The following RPS6KC1 variants were observed in gnomAD, a reference collection of about 807,000 sequenced individuals.
The protein encoded by RPS6KC1 is inactive ribosomal protein S6 kinase delta-1.
In RPS6KC1, 54 loss-of-function variants were observed where a neutral mutation model predicts 103.8. That is an observed-to-expected ratio of 0.52 (90% CI 0.42 to 0.65). The LOEUF (loss-of-function observed/expected upper bound fraction) is 0.65. RPS6KC1 is among the 30% of genes least tolerant of loss of function. RPS6KC1 has a pLI of 0.00. For synonymous variants in RPS6KC1, 439 were observed against 438.7 expected (o/e 1.00, Z -0.01); for missense variants, 1,151 against 1,253.8 (o/e 0.92, Z 1.24).
At chr1:213,320,936 T>G in the RPS6KC1 span, among the ~76,000 whole-genome samples, 1 of 152,188 alleles carries the variant, frequency 6.6e-6, no homozygotes, top group African/African-American at 2.4e-5. Context: ...TTACAGTCTT[T>G]GCTGCCCAGT....
At chr1:213,138,684 G>T (rs1001582579) in intron 6 of RPS6KC1, among the ~76,000 whole-genome samples, 22 of 152,244 alleles carry the variant, frequency 1.4e-4, no homozygotes, top group African/African-American at 5.1e-4. Flanking sequence ...CAAAGGCCAT[G>T]ATCTCATTTT....
At chr1:213,578,293 AG>A in the RPS6KC1 span, among the ~76,000 whole-genome samples, 98 of 152,344 alleles carry the variant, frequency 6.4e-4, no homozygotes, top group African/African-American at 2.2e-3. Context: ...GGTGTGCTGC[AG>A]GGGCAGAGTC....
chr1:213,348,236 A>G, the RPS6KC1 span, among the ~76,000 whole-genome samples: 1 of 152,210 alleles, frequency 6.6e-6, no homozygotes, highest in Admixed American at 6.5e-5. Context: ...AGCATCCCAG[A>G]TGATTGCAGT....
intron 8 of RPS6KC1, among the ~76,000 whole-genome samples, chr1:213,199,787 G>A (rs573764788): frequency 6.6e-6 from 1 of 152,322 alleles, no homozygotes; most frequent in Admixed American, 6.5e-5. Flanking sequence ...CTTCAGCAAA[G>A]TTGCAGGATA....
At chr1:213,399,363 C>T in the RPS6KC1 span, among the ~76,000 whole-genome samples, 7 of 152,296 alleles carry the variant, frequency 4.6e-5, no homozygotes, top group African/African-American at 1.4e-4. Flanking sequence ...ACTTGTAAGA[C>T]TGAGCTAGCA....
chr1:213,362,691 C>T, the RPS6KC1 span, among the ~76,000 whole-genome samples: 1 of 152,160 alleles, frequency 6.6e-6, no homozygotes. Flanking sequence ...GCCACAGTGT[C>T]CAGATATGTG....
the RPS6KC1 span, among the ~76,000 whole-genome samples, chr1:213,559,646 C>T: frequency 1.3e-5 from 2 of 152,278 alleles, no homozygotes; most frequent in Admixed American, 1.3e-4. Flanking sequence ...AGCTTTTGTG[C>T]TGCAACCTTT....
the RPS6KC1 span, among the ~76,000 whole-genome samples, chr1:213,485,773 A>G: frequency 2.6e-5 from 4 of 152,168 alleles, no homozygotes; most frequent in Non-Finnish European, 5.9e-5. Flanking sequence ...AGAAGAGGCT[A>G]AGGAAGCTTT....
At chr1:213,524,229 A>T in the RPS6KC1 span, among the ~76,000 whole-genome samples, 1 of 152,312 alleles carries the variant, frequency 6.6e-6, no homozygotes, top group South Asian at 2.1e-4. Context: ...GAACCCAGGC[A>T]TGCTGCCAGA....
the RPS6KC1 span, among the ~76,000 whole-genome samples, chr1:213,437,740 T>C: frequency 6.6e-6 from 1 of 151,614 alleles, no homozygotes; most frequent in African/African-American, 2.4e-5. Context: ...GCTTAATTTT[T>C]CTGCCTTTTG....
At chr1:213,781,624 A>G in the RPS6KC1 span, among the ~76,000 whole-genome samples, 2 of 152,208 alleles carry the variant, frequency 1.3e-5, no homozygotes, top group African/African-American at 4.8e-5. Context: ...GAAATTGTCA[A>G]TTGTTATTGA....
At chr1:213,820,636 T>A in the RPS6KC1 span, 1 of 152,060 alleles carries the variant, frequency 6.6e-6, no homozygotes, top group African/African-American at 2.4e-5. Flanking sequence ...CTAAACAGTT[T>A]CGGATTGGAG....
At chr1:213,384,122 A>G in the RPS6KC1 span, among the ~76,000 whole-genome samples, 43 of 152,074 alleles carry the variant, frequency 2.8e-4, 1 homozygote, top group East Asian at 6.8e-3. Flanking sequence ...TAAAAATACA[A>G]AAAATTAGCT....
At chr1:213,557,573 G>A in the RPS6KC1 span, among the ~76,000 whole-genome samples, 2 of 152,108 alleles carry the variant, frequency 1.3e-5, no homozygotes. Flanking sequence ...TGGCCTTCTA[G>A]GTTGATTTGA....
chr1:213,096,208 G>A (rs2081437014), intron 3 of RPS6KC1, among the ~76,000 whole-genome samples: 2 of 152,268 alleles, frequency 1.3e-5, no homozygotes, highest in South Asian at 2.1e-4. Flanking sequence ...TTCTCTGCTC[G>A]TCCATAAGAA....
At chr1:213,626,130 T>A in the RPS6KC1 span, among the ~76,000 whole-genome samples, 4 of 152,354 alleles carry the variant, frequency 2.6e-5, 1 homozygote, top group African/African-American at 7.2e-5. Context: ...TTCTAACTGG[T>A]GTGAGGTGGT....
chr1:213,452,516 G>T, the RPS6KC1 span, among the ~76,000 whole-genome samples: 1 of 151,908 alleles, frequency 6.6e-6, no homozygotes, highest in South Asian at 2.1e-4. Context: ...TGAGCTTCTA[G>T]CACCTAGATA....
intron 6 of RPS6KC1, among the ~76,000 whole-genome samples, chr1:213,145,625 G>A (rs2087665889): frequency 6.6e-6 from 1 of 152,024 alleles, no homozygotes; most frequent in African/African-American, 2.4e-5. Context: ...TCAATCATGT[G>A]GCATTAGGTA....
chr1:213,162,153 C>T (rs1452128183), intron 6 of RPS6KC1, among the ~76,000 whole-genome samples: 1 of 152,050 alleles, frequency 6.6e-6, no homozygotes, highest in East Asian at 1.9e-4. Context: ...ATGTTTTAAT[C>T]TTAATTTTTT....
Sources: gnomAD v4.1 joint callset for allele counts (sites outside exome capture counted in the v4.1 genomes callset) on GRCh38, gnomAD v4.1.1 for gene constraint, MANE v1.5 for transcripts, NCBI Gene and HGNC (gene_info 2026-07-23, HGNC 2026-07-21) for gene names.